LSAMP: variants seen among roughly 807,000 people sequenced by gnomAD.
The protein encoded by LSAMP is limbic system-associated membrane protein.
LSAMP carries 7 observed loss-of-function variants against 38.6 expected under a neutral mutation model. That is an observed-to-expected ratio of 0.18 (90% CI 0.10 to 0.34). The LOEUF (loss-of-function observed/expected upper bound fraction) is 0.34. Ranked by LOEUF, LSAMP falls within the 10% of genes least tolerant of loss-of-function variation. The probability of loss-of-function intolerance (pLI) is 1.00; values close to 1 mark genes in which losing one functional copy is unlikely to be tolerated. For missense variants in LSAMP, 313 were observed against 420.0 expected, an observed-to-expected ratio of 0.75 and a Z score of 2.23; for synonymous variants, 154 against 166.8, an observed-to-expected ratio of 0.92 and a Z score of 0.59.
At chr3:116,074,844 C>CTTTTTTTTTTTTTTTTTTTTTTTTTTT (rs1161460100) in intron 2 of LSAMP, among the ~76,000 whole-genome samples, 12 of 128,402 alleles carry the variant, frequency 9.3e-5, no homozygotes, top group African/African-American at 3.7e-4. Context: ...TTTCTTTATT[C>CTTTTTTTTTTTTTTTTTTTTTTTTTTT]TTTTTTTTTT....
chr3:115,833,748 C>T (rs761767115), intron 6 of LSAMP, among the ~76,000 whole-genome samples: 6 of 148,876 alleles, frequency 4.0e-5, no homozygotes, highest in Admixed American at 2.0e-4. Flanking sequence ...CCCGCATGGC[C>T]TAGTTTCCGT....
intron 1 of LSAMP, among the ~76,000 whole-genome samples, chr3:116,327,999 C>T (rs1213459139): frequency 6.6e-6 from 1 of 152,042 alleles, no homozygotes; most frequent in Admixed American, 6.6e-5. Flanking sequence ...GGCACTGTTT[C>T]ACTCACCTCC....
intron 2 of LSAMP, among the ~76,000 whole-genome samples, chr3:116,056,195 C>T (rs966862122): frequency 7.2e-5 from 11 of 152,104 alleles, no homozygotes; most frequent in African/African-American, 1.9e-4. Context: ...ACTATAAACT[C>T]GGGAACAGAA....
At chr3:115,912,096 T>G (rs1488230541) in intron 3 of LSAMP, among the ~76,000 whole-genome samples, 2 of 152,216 alleles carry the variant, frequency 1.3e-5, no homozygotes, top group Non-Finnish European at 2.9e-5. Flanking sequence ...TTTCTCTCAC[T>G]CTGTACCCTG....
chr3:116,058,747 A>G (rs1427290864), intron 2 of LSAMP, among the ~76,000 whole-genome samples: 1 of 152,194 alleles, frequency 6.6e-6, no homozygotes, highest in African/African-American at 2.4e-5. Flanking sequence ...ACTCAAATTC[A>G]GAACACTTTA....
At chr3:116,423,755 T>C (rs1008881539) in intron 1 of LSAMP, among the ~76,000 whole-genome samples, 1 of 152,080 alleles carries the variant, frequency 6.6e-6, no homozygotes, top group African/African-American at 2.4e-5. Flanking sequence ...AGAGAGAGAC[T>C]GAGAGAGAGA....
At chr3:115,996,628 C>T (rs1448867477) in intron 3 of LSAMP, among the ~76,000 whole-genome samples, 1 of 151,962 alleles carries the variant, frequency 6.6e-6, no homozygotes, top group Non-Finnish European at 1.5e-5. Flanking sequence ...ATCTCACAGA[C>T]ACTGGTATGG....
intron 1 of LSAMP, among the ~76,000 whole-genome samples, chr3:116,220,350 G>GAC (rs10575234): frequency 0.035 from 4,813 of 138,452 alleles, 89 homozygotes; most frequent in African/African-American, 0.065. Context: ...ATTTGCATAT[G>GAC]ACACACACAC....
intron 3 of LSAMP, among the ~76,000 whole-genome samples, chr3:115,883,466 T>C (rs1936373143): frequency 6.6e-6 from 1 of 152,084 alleles, no homozygotes; most frequent in Non-Finnish European, 1.5e-5. Flanking sequence ...ACAGTAGTCC[T>C]AATGTGATAT....
At chr3:116,163,750 AT>A (rs905478662) in intron 1 of LSAMP, among the ~76,000 whole-genome samples, 15 of 151,934 alleles carry the variant, frequency 9.9e-5, no homozygotes, top group Admixed American at 2.6e-4. Context: ...ATTAAAAAAA[AT>A]ATTGATACAA....
chr3:116,281,638 C>A (rs1466985275), intron 1 of LSAMP, among the ~76,000 whole-genome samples: 2 of 152,178 alleles, frequency 1.3e-5, no homozygotes, highest in Non-Finnish European at 1.5e-5. Flanking sequence ...AATGCTATTA[C>A]TATTATTACT....
At chr3:116,230,059 G>T (rs1268395305) in intron 1 of LSAMP, among the ~76,000 whole-genome samples, 1 of 152,150 alleles carries the variant, frequency 6.6e-6, no homozygotes, top group Non-Finnish European at 1.5e-5. Context: ...GAATAAGAAA[G>T]TGTTGAGGCA....
chr3:115,841,671 ATT>A (rs2107503670), intron 6 of LSAMP, 172 bp downstream of exon 6: 8 of 548,928 alleles, frequency 1.5e-5, no homozygotes, highest in Middle Eastern at 5.0e-4. Context: ...AAGTTGTTCC[ATT>A]TATAAATCTC....
At chr3:115,959,750 A>G (rs1431405045) in intron 3 of LSAMP, among the ~76,000 whole-genome samples, 2 of 152,026 alleles carry the variant, frequency 1.3e-5, no homozygotes, top group Non-Finnish European at 2.9e-5. Context: ...CACACTAAAC[A>G]CTCACTAAAA....
chr3:115,839,177 C>T (rs1934898898), intron 6 of LSAMP, among the ~76,000 whole-genome samples: 1 of 152,156 alleles, frequency 6.6e-6, no homozygotes, highest in African/African-American at 2.4e-5. Context: ...AAGTAATAGA[C>T]AATTGACCCA....
intron 3 of LSAMP, 129 bp from the exon 4 acceptor site, chr3:115,852,746 A>G: frequency 1.1e-6 from 1 of 910,784 alleles, no homozygotes; most frequent in South Asian, 2.2e-5. Flanking sequence ...TTTGTCTGAC[A>G]TCAGATTCCA....
intron 3 of LSAMP, among the ~76,000 whole-genome samples, chr3:116,014,758 T>C (rs557476624): frequency 6.6e-6 from 1 of 152,216 alleles, no homozygotes; most frequent in South Asian, 2.1e-4. Flanking sequence ...AATTCTAACA[T>C]GCTAACTTGA....
intron 2 of LSAMP, among the ~76,000 whole-genome samples, chr3:116,028,988 T>C (rs1199138569): frequency 6.6e-6 from 1 of 152,110 alleles, no homozygotes; most frequent in Non-Finnish European, 1.5e-5. Flanking sequence ...CAAGAATATA[T>C]ACCATGAGTG....
At chr3:116,068,602 A>T (rs1357196263) in intron 2 of LSAMP, among the ~76,000 whole-genome samples, 3 of 152,222 alleles carry the variant, frequency 2.0e-5, no homozygotes, top group African/African-American at 7.2e-5. Flanking sequence ...TCAAAGATAG[A>T]GTGAACAATA....
Sources: allele counts gnomAD v4.1 joint callset (sites outside exome capture counted in the v4.1 genomes callset), GRCh38; gene constraint gnomAD v4.1.1; transcripts MANE v1.5; gene names NCBI Gene and HGNC (gene_info 2026-07-23, HGNC 2026-07-21).